CPD: variants seen among roughly 807,000 people sequenced by gnomAD.
CPD encodes the protein metallocarboxypeptidase D.
In CPD, 69 loss-of-function variants were observed where a neutral mutation model predicts 138.3. That is an observed-to-expected ratio of 0.50 (90% CI 0.41 to 0.61). CPD has a LOEUF of 0.61. CPD is among the 20% of genes least tolerant of loss of function. The probability of loss-of-function intolerance (pLI) is 0.00; values close to 1 mark genes in which losing one functional copy is unlikely to be tolerated. For synonymous variants in CPD, 651 were observed against 642.1 expected (o/e 1.01, Z -0.21); for missense variants, 1,432 against 1,733.3 (o/e 0.83, Z 3.09).
chr17:30,379,019 A>C lies in CPD; in HGVS notation c.39A>C (p.Leu13=), dbSNP rs1406425215. Residue 13 remains leucine (L), a synonymous_variant, in exon 1 of 21, where the codon CTA becomes CTC. Transcript: ENST00000225719. The surrounding 1 kb of genome is among the most constrained non-coding windows in gnomAD (Gnocchi z 7.0). ...GGGACGAGCGGCCGCCTTGGCGGCT[A>C]GGGCGGCTCCTGTTGCTCATGTGCC... is the stretch of plus-strand genomic sequence containing the variant. ...SGRDERPPWR[L]GRLLLLMCLL... The C allele has an allele frequency of 2.6e-6, 4 of 1,554,598 alleles. No individual in the cohort carries two copies. In the Admixed American group the frequency reaches 5.5e-5, roughly 21 times the overall value.
At chr17:30,423,982 TG>T (rs1912336934) in intron 6 of CPD, among the ~76,000 whole-genome samples, 1 of 152,348 alleles carries the variant, frequency 6.6e-6, no homozygotes, top group East Asian at 1.9e-4. Flanking sequence ...GCAATAGTTC[TG>T]TTGACAAAGA....
Position 30,413,982 on chromosome 17 carries a change from A to G in CPD, c.995-6859A>G, listed in dbSNP as rs1435602657. Reference sequence around the variant, plus strand: ...CAAAGGGAACAAGTAGAGCAAAGTCAGGAGGTACTTAGAGTATCCCGTGAA... The same window carrying G: ...CAAAGGGAACAAGTAGAGCAAAGTCGGGAGGTACTTAGAGTATCCCGTGAA... On this transcript the variant is annotated intron_variant, in intron 2 of 20. Coordinates refer to ENST00000225719, the MANE Select transcript of CPD (RefSeq NM_001304.5). Among the ~76,000 whole-genome samples the G allele has an allele frequency of 2.0e-5, 3 of 152,206 alleles. No individual in the cohort carries two copies. The East Asian group carries it at 5.8e-4, about 29-fold the overall frequency.
intron 19 of CPD, 137 bp downstream of exon 19, chr17:30,462,199 T>C (rs1363794941): frequency 2.6e-5 from 28 of 1,071,402 alleles, no homozygotes; most frequent in Non-Finnish European, 3.7e-5. Context: ...TTATGATATC[T>C]TGTTATCCTT....
At chr17:30,397,692 A>G (rs1911544241) in intron 2 of CPD, among the ~76,000 whole-genome samples, 1 of 145,484 alleles carries the variant, frequency 6.9e-6, no homozygotes, top group Non-Finnish European at 1.5e-5. Context: ...AGCTGTGACT[A>G]CGCCACTGCA....
chr17:30,462,715 A>G (rs1047592011), intron 20 of CPD, among the ~76,000 whole-genome samples: 2 of 152,180 alleles, frequency 1.3e-5, no homozygotes, highest in Non-Finnish European at 2.9e-5. Context: ...AAAGACACAC[A>G]CAGAAATATA....
At chr17:30,424,849 G>A (rs1005604890) in intron 6 of CPD, among the ~76,000 whole-genome samples, 3 of 152,122 alleles carry the variant, frequency 2.0e-5, no homozygotes, top group Admixed American at 6.5e-5. Flanking sequence ...AGTATAATAT[G>A]GAGCCTCATG....
intron 20 of CPD, among the ~76,000 whole-genome samples, chr17:30,462,744 T>A (rs1913523650): frequency 6.6e-6 from 1 of 152,132 alleles, no homozygotes; most frequent in African/African-American, 2.4e-5. Context: ...AAGTGGGAAA[T>A]CAGGGGTCTC....
chr17:30,454,645 TCTATTGGTAC>T (rs1454832938), intron 14 of CPD: 1 of 153,196 alleles, frequency 6.5e-6, no homozygotes, highest in Non-Finnish European at 1.5e-5. Context: ...AACACCTGGC[TCTATTGGTAC>T]CAATTTACTG....
rs1042378758 is a variant in CPD, at chr17:30,379,262, G to A, written c.282G>A (p.Leu94=). 1 of 1,515,246 alleles carries A rather than the reference G, an allele frequency of 6.6e-7. No individual in the cohort carries two copies. Among genetic ancestry groups the A allele is most frequent in the Non-Finnish European group, 8.8e-7 (1 of 1,137,948 alleles). 93.9% of individuals were successfully genotyped at this position (1,515,246 alleles called of 1,614,324 possible). A position where few individuals can be genotyped will look rare whatever the true frequency, so the allele number is the denominator to read the frequency against. Residue 94 remains leucine, a synonymous_variant, in exon 1 of 21, where the codon CTG becomes CTA. Transcript: ENST00000225719. This position sits in a 1 kb window ranked among gnomAD's most constrained non-coding sequence, Gnocchi z 7.0. ...GCCGCTCGGTGGAAGGCCGGCCGCT[G>A]TGGGTGCTTCGCCTCACCGCCGGCC... ...SIGRSVEGRP[L]WVLRLTAGLG... is the part of the protein sequence containing the mutation.
At chr17:30,418,935 A>G (rs910953299) in intron 2 of CPD, among the ~76,000 whole-genome samples, 15 of 152,122 alleles carry the variant, frequency 9.9e-5, no homozygotes, top group Non-Finnish European at 2.1e-4. Context: ...TTCTTTGCCT[A>G]ATTTCTTCTT....
chr17:30,386,704 A>T (rs1597704685), intron 2 of CPD, among the ~76,000 whole-genome samples: 1 of 152,218 alleles, frequency 6.6e-6, no homozygotes. Flanking sequence ...GGAGTTATAC[A>T]ATATTCTTCC....
intron 13 of CPD, among the ~76,000 whole-genome samples, chr17:30,450,057 CT>C (rs931263363): frequency 0.012 from 1,678 of 137,834 alleles, 20 homozygotes; most frequent in African/African-American, 0.039. Context: ...TAGTTCTTTA[CT>C]TTTTTTTTTT....
rs1400643829 is a variant in CPD at position 30,444,016 on chromosome 17, A to G, written c.2543+45A>G. The G allele has an allele frequency of 1.0e-5, 16 of 1,592,526 alleles. No individual in the cohort carries two copies. The East Asian group carries it at 2.9e-4, about 29-fold the overall frequency. ...GAAATAGAGTGCTCGGAGGACAAAC[A>G]TGGCTCCATTCTGGAGGATTATTAC... is the stretch of plus-strand genomic sequence containing the variant. On this transcript the variant is annotated intron_variant, in intron 11 of 20. Coordinates refer to ENST00000225719, the MANE Select transcript of CPD (RefSeq NM_001304.5).
intron 2 of CPD, among the ~76,000 whole-genome samples, chr17:30,407,347 G>C (rs529498898): frequency 6.6e-5 from 10 of 152,194 alleles, no homozygotes; most frequent in Admixed American, 1.3e-4. Flanking sequence ...AGGATCGCTG[G>C]GTCAAATGTT....
chr17:30,458,962 A>C (rs545908047), intron 17 of CPD, among the ~76,000 whole-genome samples: 9 of 151,666 alleles, frequency 5.9e-5, no homozygotes, highest in African/African-American at 1.9e-4. Flanking sequence ...GTAGGAGTTC[A>C]ACTTCGTTTG....
At chr17:30,436,075 G>A (rs1343746964) in intron 8 of CPD, among the ~76,000 whole-genome samples, 3 of 152,138 alleles carry the variant, frequency 2.0e-5, no homozygotes, top group Non-Finnish European at 2.9e-5. Context: ...ACATTTTGAG[G>A]TACTGAGGGT....
At chr17:30,387,894 T>C (rs1443752608) in intron 2 of CPD, among the ~76,000 whole-genome samples, 1 of 152,188 alleles carries the variant, frequency 6.6e-6, no homozygotes, top group East Asian at 1.9e-4. Context: ...GAATGAGGTA[T>C]GCAGACAAGT....
intron 2 of CPD, among the ~76,000 whole-genome samples, chr17:30,398,186 C>T (rs186415102): frequency 5.3e-5 from 8 of 151,604 alleles, no homozygotes; most frequent in Non-Finnish European, 8.8e-5. Context: ...GTTTATATAA[C>T]CCCCTGAGAG....
chr17:30,385,762 T>C (rs963793321), intron 2 of CPD, among the ~76,000 whole-genome samples: 7 of 151,108 alleles, frequency 4.6e-5, no homozygotes, highest in Non-Finnish European at 1.0e-4. Flanking sequence ...AGCCCCTTTT[T>C]ATCCAGATCT....
Sources: gnomAD v4.1 joint callset for allele counts (sites outside exome capture counted in the v4.1 genomes callset) on GRCh38, gnomAD v4.1.1 for gene constraint, Gnocchi (gnomAD v3.1) non-coding constraint, MANE v1.5 for transcripts, NCBI Gene and HGNC (gene_info 2026-07-23, HGNC 2026-07-21) for gene names.